Variants in PSD3 observed in about 807,000 individuals in gnomAD.
The protein encoded by PSD3 is PH and SEC7 domain-containing protein 3.
PSD3 carries 49 observed loss-of-function variants against 105.5 expected under a neutral mutation model. That is an observed-to-expected ratio of 0.46 (90% CI 0.37 to 0.59). The LOEUF is 0.59. PSD3 is among the 20% of genes least tolerant of loss of function. The pLI, the probability that PSD3 is intolerant of heterozygous loss-of-function variation, is 0.00. For missense variants in PSD3, 1,561 were observed against 1,263.8 expected (o/e 1.24, Z -3.57); for synonymous variants, 557 against 457.8 (o/e 1.22, Z -2.77).
chr8:18,798,377 T>C (rs1336491740), intron 8 of PSD3, among the ~76,000 whole-genome samples: 1 of 152,124 alleles, frequency 6.6e-6, no homozygotes, highest in Non-Finnish European at 1.5e-5. Context: ...TCCTGTTTGC[T>C]TTCTGGTGGT....
At chr8:18,935,886 A>C in intron 2 of PSD3, 148 bp downstream of exon 2, 6 of 558,386 alleles carry the variant, frequency 1.1e-5, no homozygotes, top group Non-Finnish European at 1.6e-5. Context: ...TGCGGATTCT[A>C]CATCTTGGGA....
chr8:18,532,419 A>C lies in PSD3; in HGVS notation c.*3324T>G, dbSNP rs959789258. On this transcript the variant is annotated 3_prime_UTR_variant, in exon 16 of 16. Coordinates refer to ENST00000327040, the MANE Select transcript of PSD3 (RefSeq NM_015310.4). Reference sequence around the variant, plus strand: ...GCCCAGGGGCCAGTCCTCATTTTCTAGATTAGGATAACAGTTGGAGACGCA... The same window carrying C: ...GCCCAGGGGCCAGTCCTCATTTTCTCGATTAGGATAACAGTTGGAGACGCA... The C allele has an allele frequency of 1.3e-5, 2 of 152,228 alleles. No individual in the cohort carries two copies. Among genetic ancestry groups the C allele is most frequent in the African/African-American group, 4.8e-5 (2 of 41,452 alleles). 9.4% of individuals were successfully genotyped at this position (152,228 alleles called of 1,614,324 possible). A position where few individuals can be genotyped will look rare whatever the true frequency, so the allele number is the denominator to read the frequency against.
chr8:18,612,665 C>T (rs1805356076), intron 11 of PSD3, among the ~76,000 whole-genome samples: 1 of 152,134 alleles, frequency 6.6e-6, no homozygotes, highest in South Asian at 2.1e-4. Flanking sequence ...CCACCGCACA[C>T]GGCCTACTGA....
At chr8:18,655,559 T>A in intron 10 of PSD3, 83 bp downstream of exon 10, 4 of 1,302,508 alleles carry the variant, frequency 3.1e-6, no homozygotes, top group Non-Finnish European at 4.4e-6. Context: ...TTAATCCTTC[T>A]CTAAGATCAC....
chr8:18,962,808 A>G (rs530558497), intron 1 of PSD3, among the ~76,000 whole-genome samples: 33 of 152,310 alleles, frequency 2.2e-4, no homozygotes, highest in African/African-American at 7.7e-4. Context: ...AATCTTTACA[A>G]CCACCTGAAG....
intron 4 of PSD3, among the ~76,000 whole-genome samples, chr8:18,814,099 T>A (rs1273958204): frequency 6.6e-6 from 1 of 152,242 alleles, no homozygotes; most frequent in Non-Finnish European, 1.5e-5. Flanking sequence ...AGGGACAGCC[T>A]CTTATGATTT....
intron 15 of PSD3, among the ~76,000 whole-genome samples, chr8:18,552,118 T>A (rs896351054): frequency 6.6e-6 from 1 of 152,218 alleles, no homozygotes; most frequent in East Asian, 1.9e-4. Flanking sequence ...ATACAATTCA[T>A]TGGCATTGCG....
At chr8:19,051,375 T>G (rs1265145053) in intron 1 of PSD3, among the ~76,000 whole-genome samples, 1 of 152,216 alleles carries the variant, frequency 6.6e-6, no homozygotes, top group African/African-American at 2.4e-5. Flanking sequence ...TTGCCCCTTT[T>G]TAGCTTATAC....
At chr8:19,051,199 T>G (rs1199433448) in intron 1 of PSD3, among the ~76,000 whole-genome samples, 1 of 152,132 alleles carries the variant, frequency 6.6e-6, no homozygotes, top group Non-Finnish European at 1.5e-5. Flanking sequence ...CCCTCCTCCC[T>G]CTGGTCCCAA....
chr8:19,035,501 G>A (rs1827910406), intron 1 of PSD3, among the ~76,000 whole-genome samples: 1 of 136,142 alleles, frequency 7.3e-6, no homozygotes, highest in South Asian at 2.4e-4. Flanking sequence ...TTTGAATTAG[G>A]AAAAGGATTT....
At chr8:18,836,310 T>C (rs757802406) in intron 4 of PSD3, among the ~76,000 whole-genome samples, 1 of 152,314 alleles carries the variant, frequency 6.6e-6, no homozygotes, top group East Asian at 1.9e-4. Flanking sequence ...ATCTCAAATA[T>C]CATCAATGGT....
At chr8:18,791,162 T>C (rs546524557) in intron 8 of PSD3, among the ~76,000 whole-genome samples, 1 of 152,096 alleles carries the variant, frequency 6.6e-6, no homozygotes, top group Non-Finnish European at 1.5e-5. Context: ...CCAAAGCAAT[T>C]TATAGATTCA....
chr8:18,706,152 G>A (rs966520724), intron 9 of PSD3, among the ~76,000 whole-genome samples: 3 of 152,122 alleles, frequency 2.0e-5, no homozygotes, highest in African/African-American at 4.8e-5. Context: ...ATCTCCCAAC[G>A]AGAAGACGCT....
chr8:18,843,471 G>T (rs996111817), intron 4 of PSD3, among the ~76,000 whole-genome samples: 1 of 151,854 alleles, frequency 6.6e-6, no homozygotes, highest in Non-Finnish European at 1.5e-5. Flanking sequence ...TTCATATAAC[G>T]AAGTAATATA....
rs74446642 is a variant in PSD3 at position 18,857,738 on chromosome 8, G to C, written c.1634+9936C>G. 3.3e-3 allele frequency among the ~76,000 whole-genome samples: 502 copies of C among 152,254 alleles called. 3 individuals are homozygous for C. The highest frequency in any genetic ancestry group is 0.011 in the African/African-American group (457 of 41,544). ...GATTCTAATGTAGTAGGTCAGGGTG[G>C]GGCTGAGGATTCTGCAATTCTAATA... On this transcript the variant is annotated intron_variant, in intron 4 of 15. Coordinates refer to ENST00000327040, the MANE Select transcript of PSD3 (RefSeq NM_015310.4).
chr8:18,575,695 CA>C (rs1802423604), intron 12 of PSD3, among the ~76,000 whole-genome samples: 2 of 152,266 alleles, frequency 1.3e-5, no homozygotes, highest in East Asian at 3.9e-4. Flanking sequence ...TAACTGTCAA[CA>C]GAATTATACC....
At chr8:18,969,599 A>G (rs983709694) in intron 1 of PSD3, among the ~76,000 whole-genome samples, 4 of 152,260 alleles carry the variant, frequency 2.6e-5, no homozygotes, top group African/African-American at 7.2e-5. Context: ...TTAAGACTAC[A>G]TTAATGAAAT....
chr8:18,731,998 T>A (rs1176698444), intron 9 of PSD3, among the ~76,000 whole-genome samples: 1 of 152,146 alleles, frequency 6.6e-6, no homozygotes, highest in Admixed American at 6.5e-5. Context: ...AAGTCATCTT[T>A]TTTCCACTGT....
At position 18,798,127 on chromosome 8, in the gene PSD3, G is replaced by C. The variant is rs184516832; in HGVS notation, c.2082+1168C>G. Among the ~76,000 whole-genome samples the C allele has an allele frequency of 2.3e-3, 355 of 152,272 alleles. 1 individual carries two copies. Among genetic ancestry groups the C allele is most frequent in the African/African-American group, 8.4e-3 (350 of 41,562 alleles). Reference sequence around the variant, plus strand: ...CATTAGATTGCGGTAGTCATGTCAAGATTCACACTGTGAAATGCCTGCATT... The same window carrying C: ...CATTAGATTGCGGTAGTCATGTCAACATTCACACTGTGAAATGCCTGCATT... On this transcript the variant is annotated intron_variant, in intron 8 of 15. Coordinates refer to ENST00000327040, the MANE Select transcript of PSD3 (RefSeq NM_015310.4).
Sources: allele counts gnomAD v4.1 joint callset (sites outside exome capture counted in the v4.1 genomes callset), GRCh38; gene constraint gnomAD v4.1.1; transcripts MANE v1.5; gene names NCBI Gene and HGNC (gene_info 2026-07-23, HGNC 2026-07-21).